Variants in PRR12 observed in about 807,000 individuals in gnomAD.
PRR12 encodes the protein proline-rich protein 12.
Under a neutral mutation model 138.0 loss-of-function variants are expected in PRR12, and 12 were observed. The ratio of observed to expected loss-of-function variants is 0.09; its 90% CI spans 0.06 to 0.14. The LOEUF (loss-of-function observed/expected upper bound fraction) is 0.14, where lower values mean the gene tolerates loss of function less well. PRR12 is among the 10% of genes least tolerant of loss of function. The probability of loss-of-function intolerance (pLI) is 1.00; values close to 1 mark genes in which losing one functional copy is unlikely to be tolerated. For synonymous variants in PRR12, 1,567 were observed against 1,291.7 expected, an observed-to-expected ratio of 1.21 and a Z score of -4.57; for missense variants, 2,692 against 2,861.3, an observed-to-expected ratio of 0.94 and a Z score of 1.35.
chr19:49,614,519 C>T lies in PRR12; in HGVS notation c.4774-14C>T, dbSNP rs923496374. On this transcript the variant is annotated splice_polypyrimidine_tract_variant and intron_variant, in intron 6 of 13. Transcript: ENST00000418929. The surrounding 1 kb of genome is among the most constrained non-coding windows in gnomAD (Gnocchi z 5.0). Reference sequence around the variant, plus strand: ...GGCTGACCCTGCTGGCCTCACCACACCCCTCCTCCTCAGCTGGCGTTGCAG... The same window carrying T: ...GGCTGACCCTGCTGGCCTCACCACATCCCTCCTCCTCAGCTGGCGTTGCAG... 16 of 1,529,772 alleles carry T rather than the reference C, an allele frequency of 1.0e-5. No homozygotes were observed. The highest frequency in any genetic ancestry group is 1.4e-5 in the Non-Finnish European group (16 of 1,136,130). 94.8% of individuals were successfully genotyped at this position (1,529,772 alleles called of 1,614,324 possible). A position where few individuals can be genotyped will look rare whatever the true frequency, so the allele number is the denominator to read the frequency against.
At chr19:49,604,734 C>T (rs1044233824) in intron 6 of PRR12, among the ~76,000 whole-genome samples, 2 of 152,090 alleles carry the variant, frequency 1.3e-5, no homozygotes, top group African/African-American at 4.8e-5. Flanking sequence ...CACCACCATC[C>T]ATCTCCAAGT....
chr19:49,618,619 C>T (rs2080904640), intron 9 of PRR12, among the ~76,000 whole-genome samples: 1 of 152,072 alleles, frequency 6.6e-6, no homozygotes, highest in Non-Finnish European at 1.5e-5. Context: ...GAACTCCTGA[C>T]CTCAGGCGAT....
Position 49,625,871 on chromosome 19 carries a change from C to G in PRR12, c.*264C>G. Reference sequence around the variant, plus strand: ...ATATGTATAAATGTCTATTTAGTAACGGTTTCCCTCTCCCCTTGCCCCGAC... The same window carrying G: ...ATATGTATAAATGTCTATTTAGTAAGGGTTTCCCTCTCCCCTTGCCCCGAC... On this transcript the variant is annotated 3_prime_UTR_variant, in exon 14 of 14. Transcript: ENST00000418929. The surrounding 1 kb of genome is among the most constrained non-coding windows in gnomAD (Gnocchi z 5.5). 3.2e-6 allele frequency: 1 copy of G among 312,066 alleles called. No homozygotes were observed. Among genetic ancestry groups the G allele is most frequent in the Non-Finnish European group, 5.8e-6 (1 of 173,468 alleles). The allele number at this position is 312,066 out of a possible 1,614,324, so 19.3% of individuals were successfully genotyped here. A position where few individuals can be genotyped will look rare whatever the true frequency, so the allele number is the denominator to read the frequency against.
In PRR12 at chr19:49,599,929, G is replaced by A. The variant is rs745444235; in HGVS notation, c.4336G>A (p.Gly1446Ser). Residue 1446 changes from glycine (G) to serine (S), a missense_variant, in exon 5 of 14, where the codon GGC (glycine) becomes AGC (serine). Around this residue, in one of 11 missense-constraint regions of PRR12, gnomAD observed 231 missense variants for 200.8 expected, o/e 1.15. Coordinates refer to ENST00000418929, the MANE Select transcript of PRR12 (RefSeq NM_020719.3). The surrounding 1 kb of genome is among the most constrained non-coding windows in gnomAD (Gnocchi z 5.0). ...GGGGCTCCCCAGTGCCAACAGCAAT[G>A]GCACTCCCGGTGAGCTCTGGGCAGG... Reference protein sequence around the residue: ...LPGLPSANSNGTPEPPLLEEK... With the variant: ...LPGLPSANSNSTPEPPLLEEK... 6.2e-7 allele frequency: 1 copy of A among 1,601,948 alleles called. No homozygotes were observed. Among genetic ancestry groups the A allele is most frequent in the South Asian group, 1.1e-5 (1 of 89,962 alleles).
At chr19:49,606,243 G>T (rs1470350106) in intron 6 of PRR12, among the ~76,000 whole-genome samples, 1 of 151,820 alleles carries the variant, frequency 6.6e-6, no homozygotes, top group African/African-American at 2.4e-5. Context: ...GGCTCAAGCA[G>T]TCCTCCCGTC....
In PRR12 at chr19:49,601,501, G is replaced by T. The variant is rs983988944; in HGVS notation, c.4356G>T (p.Leu1452=). ...CCCTGTCTCCCCCAGAGCCCCCGCT[G>T]CTGGAGGAGAAACCCCCACCCACTC... ...ANSNGTPEPP[L]LEEKPPPTPP... is the part of the protein sequence containing the mutation. Residue 1452 remains leucine (L), a synonymous_variant, in exon 6 of 14, where the codon CTG becomes CTT. Coordinates refer to ENST00000418929, the MANE Select transcript of PRR12 (RefSeq NM_020719.3). The T allele has an allele frequency of 6.6e-7, 1 of 1,504,050 alleles. No homozygotes were observed. The highest frequency in any genetic ancestry group is 9.0e-7 in the Non-Finnish European group (1 of 1,110,394). The allele number at this position is 1,504,050 out of a possible 1,614,324, so 93.2% of individuals were successfully genotyped here. A position where few individuals can be genotyped will look rare whatever the true frequency, so the allele number is the denominator to read the frequency against.
chr19:49,608,193 C>G (rs190204158), intron 6 of PRR12, among the ~76,000 whole-genome samples: 2 of 152,008 alleles, frequency 1.3e-5, no homozygotes, highest in Non-Finnish European at 2.9e-5. Flanking sequence ...TTGAAGTGCT[C>G]TAGCCGACAT....
chr19:49,599,286 G>A lies in PRR12; in HGVS notation c.3693G>A (p.Val1231=). ...PLKPLKIKLS[V]PKAGEGLGTS... ...CCCATGTCTAGATCAAGCTGTCTGTGCCCAAGGCTGGCGAGGGTCTGGGAA... is the reference window on the plus strand; with the variant it reads ...CCCATGTCTAGATCAAGCTGTCTGTACCCAAGGCTGGCGAGGGTCTGGGAA... The change falls in exon 5 of 14, where the codon GTG becomes GTA. Residue 1231 remains valine, a synonymous_variant. Coordinates refer to ENST00000418929, the MANE Select transcript of PRR12 (RefSeq NM_020719.3). The surrounding 1 kb of genome is among the most constrained non-coding windows in gnomAD (Gnocchi z 5.0). The A allele has an allele frequency of 1.2e-6, 2 of 1,603,980 alleles. No homozygotes were observed. The highest frequency in any genetic ancestry group is 4.5e-5 in the East Asian group (2 of 44,780).
Position 49,595,010 on chromosome 19 carries a change from C to G in PRR12, c.675C>G (p.Pro225=), listed in dbSNP as rs780520038. 9.4e-6 allele frequency: 15 copies of G among 1,599,396 alleles called. No homozygotes were observed. The highest frequency in any genetic ancestry group is 1.7e-5 in the Admixed American group (1 of 58,590). ...CTGGTCTCGGTCCAGCCCAGACCCC[C>G]CCTTACCGCCCTGGCCCCCCAGACC... ...GPAGLGPAQT[P]PYRPGPPDPP... is the part of the protein sequence containing the mutation. The change falls in exon 4 of 14, where the codon CCC becomes CCG. Residue 225 remains proline (P), a synonymous_variant. Coordinates refer to ENST00000418929, the MANE Select transcript of PRR12 (RefSeq NM_020719.3).
chr19:49,593,293 GA>G, intron 1 of PRR12, 33 bp from the exon 2 acceptor site: 1 of 1,116,634 alleles, frequency 9.0e-7, no homozygotes, highest in Non-Finnish European at 1.3e-6. Flanking sequence ...AGGCAGCTTG[GA>G]AGAACCCCCT....
At chr19:49,591,807 C>T in intron 1 of PRR12, 67 bp downstream of exon 1, 1 of 988,288 alleles carries the variant, frequency 1.0e-6, no homozygotes, top group East Asian at 3.3e-5. Flanking sequence ...CCGGGCCGGG[C>T]CGGGCCGGGC....
Position 49,597,255 on chromosome 19 carries a change from C to G in PRR12, c.2920C>G (p.Pro974Ala). 1 of 1,573,836 alleles carries G rather than the reference C, an allele frequency of 6.4e-7. No individual in the cohort carries two copies. The highest frequency in any genetic ancestry group is 8.6e-7 in the Non-Finnish European group (1 of 1,160,464). Reference protein sequence around the residue: ...KAGPPEDEGDPKAGAGPPPGP... With the variant: ...KAGPPEDEGDAKAGAGPPPGP... ...CGGGCCACCTGAGGACGAGGGGGACCCCAAGGCTGGCGCTGGGCCACCCCC... is the reference window on the plus strand; with the variant it reads ...CGGGCCACCTGAGGACGAGGGGGACGCCAAGGCTGGCGCTGGGCCACCCCC... Residue 974 changes from proline to alanine, a missense_variant, in exon 4 of 14, where the codon CCC becomes GCC. By Grantham distance (27) the Pro-to-Ala change is conservative. Transcript: ENST00000418929. This position sits in a 1 kb window ranked among gnomAD's most constrained non-coding sequence, Gnocchi z 6.3.
intron 4 of PRR12, among the ~76,000 whole-genome samples, chr19:49,598,411 C>T (rs573510424): frequency 2.8e-4 from 43 of 152,088 alleles, no homozygotes; most frequent in African/African-American, 8.9e-4. Context: ...GGTTTATGGC[C>T]GCACCTTGGC....
chr19:49,593,831 C>T (rs1186973229), intron 2 of PRR12, among the ~76,000 whole-genome samples: 1 of 152,122 alleles, frequency 6.6e-6, no homozygotes. Context: ...CTCTAATTCT[C>T]TGGCCCGCCC....
rs1244036923 is a variant in PRR12 at position 49,596,522 on chromosome 19, G to A, written c.2187G>A (p.Lys729=). The A allele has an allele frequency of 1.9e-6, 3 of 1,609,724 alleles. No individual in the cohort carries two copies. Among genetic ancestry groups the A allele is most frequent in the South Asian group, 2.2e-5 (2 of 90,634 alleles). Residue 729 remains lysine (K), a synonymous_variant, in exon 4 of 14, where the codon AAG becomes AAA. Coordinates refer to ENST00000418929, the MANE Select transcript of PRR12 (RefSeq NM_020719.3). This position sits in a 1 kb window ranked among gnomAD's most constrained non-coding sequence, Gnocchi z 5.6. The part of the protein sequence containing the change: ...ELGLGRLKEK[K]KGPERGGETP... ...GCCTGGGGAGGCTGAAGGAGAAGAA[G>A]AAAGGGCCAGAGCGGGGTGGCGAGA... is the stretch of plus-strand genomic sequence containing the variant.
At chr19:49,604,242 C>G (rs972196846) in intron 6 of PRR12, among the ~76,000 whole-genome samples, 1 of 151,904 alleles carries the variant, frequency 6.6e-6, no homozygotes, top group Non-Finnish European at 1.5e-5. Context: ...GTGGCTCACA[C>G]CTGTGATCCC....
In PRR12 at chr19:49,597,411, C is replaced by T. The variant is rs1266153419; in HGVS notation, c.3076C>T (p.Pro1026Ser). Residue 1026 changes from proline (P) to serine (S), a missense_variant, in exon 4 of 14, where the codon CCG becomes TCG. By Grantham distance (74) the Pro-to-Ser change is moderately conservative. Around this residue, in one of 11 missense-constraint regions of PRR12, gnomAD observed 840 missense variants for 689.8 expected, o/e 1.22. Coordinates refer to ENST00000418929, the MANE Select transcript of PRR12 (RefSeq NM_020719.3). This position sits in a 1 kb window ranked among gnomAD's most constrained non-coding sequence, Gnocchi z 6.3. Reference sequence around the variant, plus strand: ...ACTGCCCTCCACGGTCAACGCCGAGCCGCTGGGCCTGATCCAGAGTGGCCC... The same window carrying T: ...ACTGCCCTCCACGGTCAACGCCGAGTCGCTGGGCCTGATCCAGAGTGGCCC... ...PELPSTVNAE[P>S]LGLIQSGPHQ... The T allele has an allele frequency of 9.1e-6, 14 of 1,537,916 alleles. No individual in the cohort carries two copies. The highest frequency in any genetic ancestry group is 2.4e-5 in the East Asian group (1 of 40,874).
At chr19:49,624,410 G>A (rs1055051858) in intron 11 of PRR12, among the ~76,000 whole-genome samples, 54 of 149,332 alleles carry the variant, frequency 3.6e-4, no homozygotes, top group African/African-American at 1.3e-3. Flanking sequence ...AGTTAGGATG[G>A]GGCTGAGAAT....
rs760572057 is a variant in PRR12 at position 49,620,393 on chromosome 19, C to T, written c.5539C>T (p.Arg1847Trp). 3.1e-6 allele frequency: 5 copies of T among 1,611,908 alleles called. No homozygotes were observed. Among genetic ancestry groups the T allele is most frequent in the East Asian group, 2.2e-5 (1 of 44,804 alleles). Residue 1847 changes from arginine to tryptophan, a missense_variant, in exon 10 of 14, where the codon CGG (arginine) becomes TGG (tryptophan). Arg to Trp is a moderately radical substitution (Grantham distance 101). Transcript: ENST00000418929. ...PGRLLKTRAM[R>W]EMYRSYVEML... ...GCGTCTGCTCAAAACCAGGGCGATG[C>T]GGGAGATGTACCGGAGCTACGTGGA...
Sources: allele counts gnomAD v4.1 joint callset (sites outside exome capture counted in the v4.1 genomes callset), GRCh38; gene constraint gnomAD v4.1.1; regional missense constraint gnomAD v4.1.1; non-coding constraint Gnocchi (gnomAD v3.1); transcripts MANE v1.5; gene names NCBI Gene and HGNC (gene_info 2026-07-23, HGNC 2026-07-21).